The following PIAS1 variants were observed in gnomAD, a reference collection of about 807,000 sequenced individuals.
The protein encoded by PIAS1 is E3 SUMO-protein ligase PIAS1.
In PIAS1, 6 loss-of-function variants were observed where a neutral mutation model predicts 71.3. The ratio of observed to expected loss-of-function variants is 0.08; its 90% CI spans 0.05 to 0.17. PIAS1 has a LOEUF of 0.17. Ranked by LOEUF, PIAS1 falls within the 10% of genes least tolerant of loss-of-function variation. The pLI, the probability that PIAS1 is intolerant of heterozygous loss-of-function variation, is 1.00. For missense variants in PIAS1, 555 were observed against 793.6 expected, an observed-to-expected ratio of 0.70 and a Z score of 3.61; for synonymous variants, 303 against 292.9, an observed-to-expected ratio of 1.03 and a Z score of -0.35.
intron 7 of PIAS1, 55 bp downstream of exon 7, chr15:68,153,750 AGT>A (rs1232667830): frequency 2.2e-6 from 2 of 919,016 alleles, no homozygotes; most frequent in Non-Finnish European, 3.5e-6. Flanking sequence ...AGGTTAGAGT[AGT>A]ATTTTCTCAA....
intron 2 of PIAS1, among the ~76,000 whole-genome samples, chr15:68,094,245 CGTATAGTCTTA>C (rs2092355915): frequency 6.6e-6 from 1 of 151,210 alleles, no homozygotes; most frequent in Non-Finnish European, 1.5e-5. Context: ...ATGTGCTGGG[CGTATAGTCTTA>C]GTATTTAAGA....
intron 1 of PIAS1, among the ~76,000 whole-genome samples, chr15:68,079,462 A>AT (rs1186910905): frequency 4.0e-5 from 6 of 151,736 alleles, no homozygotes; most frequent in African/African-American, 9.7e-5. Context: ...GCCCTTTAAA[A>AT]TTTTTTTTCC....
intron 2 of PIAS1, among the ~76,000 whole-genome samples, chr15:68,092,692 G>A (rs1189995457): frequency 6.6e-6 from 1 of 152,174 alleles, no homozygotes; most frequent in African/African-American, 2.4e-5. Flanking sequence ...TTATAAAAGA[G>A]GCTCCAAGGA....
In PIAS1 at chr15:68,186,180, A is replaced by G. The variant is rs2093086651; in HGVS notation, c.1663-1362A>G. 6.6e-6 allele frequency among the ~76,000 whole-genome samples: 1 copy of G among 152,224 alleles called. No homozygotes were observed. On this transcript the variant is annotated intron_variant, in intron 13 of 13. Coordinates refer to ENST00000249636, the MANE Select transcript of PIAS1 (RefSeq NM_016166.3). This position sits in a 1 kb window ranked among gnomAD's most constrained non-coding sequence, Gnocchi z 4.4. The stretch of plus-strand genomic sequence containing the variant: ...GTGGGTGTTCCAGAAGATTGTTGTC[A>G]TAGCAAATGACAGCTCCATGCATGC...
chr15:68,081,913 A>G (rs1244959674), intron 1 of PIAS1, among the ~76,000 whole-genome samples: 1 of 151,978 alleles, frequency 6.6e-6, no homozygotes, highest in Non-Finnish European at 1.5e-5. Flanking sequence ...AATTAAAAAA[A>G]AAAAAGACCA....
intron 6 of PIAS1, among the ~76,000 whole-genome samples, chr15:68,152,879 T>A (rs1253463540): frequency 1.3e-5 from 2 of 151,878 alleles, no homozygotes; most frequent in South Asian, 2.1e-4. Context: ...ATTAACTGTT[T>A]TTTTTTGGTT....
chr15:68,091,725 G>T (rs1224136048), intron 2 of PIAS1, among the ~76,000 whole-genome samples: 5 of 152,122 alleles, frequency 3.3e-5, no homozygotes, highest in Non-Finnish European at 5.9e-5. Context: ...TGATAGGTTA[G>T]CTTAACCTAC....
intron 4 of PIAS1, 61 bp from the exon 5 acceptor site, chr15:68,145,752 TAAC>T (rs1194092320): frequency 4.4e-6 from 4 of 912,348 alleles, no homozygotes; most frequent in Non-Finnish European, 3.5e-6. Flanking sequence ...TTTATCTATT[TAAC>T]AATAATACTA....
At chr15:68,145,484 A>G (rs945002239) in intron 4 of PIAS1, among the ~76,000 whole-genome samples, 1 of 152,090 alleles carries the variant, frequency 6.6e-6, no homozygotes, top group Non-Finnish European at 1.5e-5. Context: ...GAATTTCTTA[A>G]TTTTATTTGA....
chr15:68,097,476 A>G (rs1230084977), intron 2 of PIAS1, among the ~76,000 whole-genome samples: 1 of 152,118 alleles, frequency 6.6e-6, no homozygotes, highest in African/African-American at 2.4e-5. Context: ...CTTGTCACCC[A>G]GGCTGGAGTG....
chr15:68,084,741 G>C (rs1205965040), intron 1 of PIAS1, among the ~76,000 whole-genome samples: 1 of 152,186 alleles, frequency 6.6e-6, no homozygotes, highest in Non-Finnish European at 1.5e-5. Flanking sequence ...AGTTGTAGAT[G>C]CTGAGGGTAA....
intron 10 of PIAS1, among the ~76,000 whole-genome samples, 192 bp downstream of exon 10, chr15:68,175,959 A>G (rs2093017840): frequency 6.6e-6 from 1 of 152,218 alleles, no homozygotes; most frequent in Non-Finnish European, 1.5e-5. Context: ...AGCTTTAAAA[A>G]ATTTACTGAT....
chr15:68,116,735 T>C (rs895487880), intron 2 of PIAS1, among the ~76,000 whole-genome samples: 2 of 152,146 alleles, frequency 1.3e-5, no homozygotes, highest in African/African-American at 4.8e-5. Context: ...TCTCTCTAAA[T>C]ACTGCTTTAG....
At chr15:68,070,019 C>T (rs776337836) in intron 1 of PIAS1, among the ~76,000 whole-genome samples, 4 of 152,054 alleles carry the variant, frequency 2.6e-5, no homozygotes, top group Non-Finnish European at 4.4e-5. Flanking sequence ...TGTATATATG[C>T]TTCCTAAAGG....
Position 68,191,194 on chromosome 15 carries a change from G to A in PIAS1, c.*3359G>A, listed in dbSNP as rs1221830462. Reference sequence around the variant, plus strand: ...CTGCTGTTAATTGTTTAACAAAGGGGAAAATGTACATAAACAGATAAAGTT... The same window carrying A: ...CTGCTGTTAATTGTTTAACAAAGGGAAAAATGTACATAAACAGATAAAGTT... On this transcript the variant is annotated 3_prime_UTR_variant, in exon 14 of 14. Coordinates refer to ENST00000249636, the MANE Select transcript of PIAS1 (RefSeq NM_016166.3). 1 of 152,582 alleles carries A rather than the reference G, an allele frequency of 6.6e-6. No individual in the cohort carries two copies. Among genetic ancestry groups the A allele is most frequent in the Non-Finnish European group, 1.5e-5 (1 of 68,022 alleles). The allele number at this position is 152,582 out of a possible 1,614,324, so 9.5% of individuals were successfully genotyped here.
At chr15:68,056,499 A>G (rs1794121438) in intron 1 of PIAS1, among the ~76,000 whole-genome samples, 1 of 152,122 alleles carries the variant, frequency 6.6e-6, no homozygotes, top group African/African-American at 2.4e-5. Context: ...CAAATCTACT[A>G]GAGTTTTTCC....
intron 1 of PIAS1, among the ~76,000 whole-genome samples, chr15:68,069,803 CAA>C (rs56693841): frequency 0.46 from 45,897 of 100,748 alleles, 7,050 homozygotes; most frequent in Middle Eastern, 0.53. Flanking sequence ...GACTCCGTCT[CAA>C]AAAAAAAAAA....
intron 1 of PIAS1, among the ~76,000 whole-genome samples, chr15:68,080,383 G>C (rs938658918): frequency 6.6e-6 from 1 of 152,172 alleles, no homozygotes; most frequent in Non-Finnish European, 1.5e-5. Flanking sequence ...ACCTGGAGAG[G>C]TGGAAGATAA....
intron 2 of PIAS1, among the ~76,000 whole-genome samples, chr15:68,141,669 T>C (rs1357781050): frequency 1.3e-5 from 2 of 152,202 alleles, no homozygotes; most frequent in African/African-American, 4.8e-5. Context: ...TGCAAACATT[T>C]ATATGATTAG....
Sources: allele counts gnomAD v4.1 joint callset (sites outside exome capture counted in the v4.1 genomes callset), GRCh38; gene constraint gnomAD v4.1.1; non-coding constraint Gnocchi (gnomAD v3.1); transcripts MANE v1.5; gene names NCBI Gene and HGNC (gene_info 2026-07-23, HGNC 2026-07-21).